Variants in SAFB2 observed in about 807,000 individuals in gnomAD.
The protein encoded by SAFB2 is scaffold attachment factor B2.
A neutral mutation model predicts 100.6 loss-of-function variants in SAFB2; 32 were observed. The ratio of observed to expected loss-of-function variants is 0.32; its 90% CI spans 0.24 to 0.43. The LOEUF (loss-of-function observed/expected upper bound fraction) is 0.43. Ranked by LOEUF, SAFB2 falls within the 20% of genes least tolerant of loss-of-function variation. The pLI is 1.00. For missense variants in SAFB2, 1,185 were observed against 1,163.4 expected (o/e 1.02, Z -0.27); for synonymous variants, 500 against 439.4 (o/e 1.14, Z -1.72).
Position 5,598,864 on chromosome 19 carries a change from T to C in SAFB2, c.1711A>G (p.Thr571Ala), listed in dbSNP as rs781199089. ...CCTTTCGATTTATCCATCACGACCG[T>C]CCGCTCCATTCCTCTGCTTCCTTCA... ...TKSGSRGMER[T>A]VVMDKSKGEP... The change falls in exon 13 of 21, where the codon ACG becomes GCG. Residue 571 changes from threonine (T) to alanine (A), a missense_variant. Thr to Ala is a moderately conservative substitution (Grantham distance 58). Around this residue, in one of 3 missense-constraint regions of SAFB2, gnomAD observed 740 missense variants for 687.1 expected, o/e 1.08. Coordinates refer to ENST00000252542, the MANE Select transcript of SAFB2 (RefSeq NM_014649.3). 7 of 1,614,048 alleles carry C rather than the reference T, an allele frequency of 4.3e-6. No homozygotes were observed. Among genetic ancestry groups the C allele is most frequent in the Non-Finnish European group, 5.9e-6 (7 of 1,180,024 alleles).
At chr19:5,620,724 T>C (rs1199186796) in intron 2 of SAFB2, among the ~76,000 whole-genome samples, 1 of 152,204 alleles carries the variant, frequency 6.6e-6, no homozygotes, top group Non-Finnish European at 1.5e-5. Flanking sequence ...TTTTGGGTGA[T>C]GAAAATCCAG....
At chr19:5,619,637 C>T (rs890804415) in intron 2 of SAFB2, among the ~76,000 whole-genome samples, 5 of 152,068 alleles carry the variant, frequency 3.3e-5, no homozygotes, top group Non-Finnish European at 7.4e-5. Flanking sequence ...GTGAGGAGTT[C>T]GAGACCAGCC....
At chr19:5,602,424 G>T (rs2052678697) in intron 11 of SAFB2, among the ~76,000 whole-genome samples, 1 of 136,480 alleles carries the variant, frequency 7.3e-6, no homozygotes, top group South Asian at 2.4e-4. Flanking sequence ...AGCTTGCAGT[G>T]AGCCAAGATT....
chr19:5,613,002 ATC>A (rs1719903266), intron 5 of SAFB2, among the ~76,000 whole-genome samples: 1 of 152,208 alleles, frequency 6.6e-6, no homozygotes, highest in South Asian at 2.1e-4. Flanking sequence ...CTTTTCCGAC[ATC>A]TGTCTCACTT....
At chr19:5,609,618 CA>C (rs2052861867) in intron 9 of SAFB2, among the ~76,000 whole-genome samples, 1 of 152,106 alleles carries the variant, frequency 6.6e-6, no homozygotes, top group African/African-American at 2.4e-5. Flanking sequence ...TTGCACAAGA[CA>C]AAAGACCACC....
chr19:5,599,335 C>T (rs958115024), intron 12 of SAFB2, among the ~76,000 whole-genome samples: 25 of 152,184 alleles, frequency 1.6e-4, no homozygotes, highest in Non-Finnish European at 4.4e-5. Flanking sequence ...CCATTCATCT[C>T]CAGCAATAAA....
rs770444467 is a variant in SAFB2, at chr19:5,587,927, C to T, written c.2579G>A (p.Arg860His). 22 of 1,612,744 alleles carry T rather than the reference C, an allele frequency of 1.4e-5. No homozygotes were observed. The highest frequency in any genetic ancestry group is 5.3e-5 in the African/African-American group (4 of 75,054). Reference protein sequence around the residue: ...HNQRLEEHQARAWQGAMDAGA... With the variant: ...HNQRLEEHQAHAWQGAMDAGA... ...TGCGTCCATGGCACCCTGCCAGGCG[C>T]GTGCCTGGTGCTCCTCTAGCCGCTG... The change falls in exon 19 of 21, where the codon CGC becomes CAC. Residue 860 changes from arginine to histidine, a missense_variant. Physicochemically the swap from Arg to His is conservative, Grantham distance 29. Coordinates refer to ENST00000252542, the MANE Select transcript of SAFB2 (RefSeq NM_014649.3). This position sits in a 1 kb window ranked among gnomAD's most constrained non-coding sequence, Gnocchi z 4.9.
At chr19:5,614,321 A>C (rs193049223) in intron 4 of SAFB2, among the ~76,000 whole-genome samples, 4 of 152,344 alleles carry the variant, frequency 2.6e-5, no homozygotes, top group African/African-American at 9.6e-5. Flanking sequence ...CATGCCAAAC[A>C]AAAGAAAAAC....
At chr19:5,595,294 A>G in intron 14 of SAFB2, 67 bp downstream of exon 14, 1 of 1,562,516 alleles carries the variant, frequency 6.4e-7, no homozygotes. Flanking sequence ...CTCCAAGTAC[A>G]GCTGGGAGAA....
In SAFB2 at chr19:5,587,058, T is replaced by G. The variant is rs2052265134; in HGVS notation, c.*185A>C. 5.0e-6 allele frequency: 4 copies of G among 792,914 alleles called. No homozygotes were observed. In the East Asian group the frequency reaches 7.9e-5, roughly 16 times the overall value. The allele number at this position is 792,914 out of a possible 1,614,324, so 49.1% of individuals were successfully genotyped here. A position where few individuals can be genotyped will look rare whatever the true frequency, so the allele number is the denominator to read the frequency against. On this transcript the variant is annotated 3_prime_UTR_variant, in exon 21 of 21. Transcript: ENST00000252542. The surrounding 1 kb of genome is among the most constrained non-coding windows in gnomAD (Gnocchi z 4.9). ...TGCCTCGTTAACAGAAACCTTGATT[T>G]AAAAATGGCAGAACAAGAACACATT...
chr19:5,616,230 C>T lies in SAFB2; in HGVS notation c.445G>A (p.Glu149Lys), dbSNP rs1300889511. The change falls in exon 4 of 21, where the codon GAG (glutamate) becomes AAG (lysine). Residue 149 changes from glutamate (E) to lysine (K), a missense_variant. Glu to Lys is a moderately conservative substitution (Grantham distance 56). Transcript: ENST00000252542. ...TCGAGAAGGCCGTCCGTGCCATCCT[C>T]CCCAAAATCTGGAGCACTGCTATTC... ...VANSSAPDFG[E>K]DGTDGLLDSF... The T allele has an allele frequency of 1.9e-6, 3 of 1,614,092 alleles. No homozygotes were observed. The highest frequency in any genetic ancestry group is 1.3e-5 in the African/African-American group (1 of 74,934).
chr19:5,601,763 T>C (rs2052664442), intron 11 of SAFB2, among the ~76,000 whole-genome samples: 1 of 151,312 alleles, frequency 6.6e-6, no homozygotes, highest in South Asian at 2.1e-4. Flanking sequence ...CTTTAGATCC[T>C]GAGACAGAAC....
At chr19:5,608,003 A>G (rs1237241091) in intron 9 of SAFB2, among the ~76,000 whole-genome samples, 5 of 152,232 alleles carry the variant, frequency 3.3e-5, no homozygotes, top group African/African-American at 1.2e-4. Context: ...TTCTGATGAC[A>G]GACAAAACCC....
intron 9 of SAFB2, among the ~76,000 whole-genome samples, chr19:5,605,523 T>C (rs2052757059): frequency 6.6e-6 from 1 of 152,182 alleles, no homozygotes; most frequent in Non-Finnish European, 1.5e-5. Context: ...GTCCTACCCA[T>C]CCACATTGTT....
intron 1 of SAFB2, among the ~76,000 whole-genome samples, chr19:5,621,794 G>A (rs1400521787): frequency 6.6e-6 from 1 of 152,258 alleles, no homozygotes; most frequent in Non-Finnish European, 1.5e-5. Context: ...CCAGCCTGGG[G>A]AGATTCAACA....
At chr19:5,609,039 G>C (rs1234048248) in intron 9 of SAFB2, among the ~76,000 whole-genome samples, 2 of 120,754 alleles carry the variant, frequency 1.7e-5, no homozygotes, top group Admixed American at 2.0e-4. Context: ...GCAACAGAGC[G>C]AGACGCAGTC....
Position 5,594,151 on chromosome 19 carries a change from T to TTGCTCC in SAFB2, c.1941_1946dup (p.Glu648_Gln649dup). ...TCCGCTCATGGAAGGCCTCGAGGCG[T>TTGCTCC]TGCTCCCGCTCCCGCTGCTCGCGCT... is the stretch of plus-strand genomic sequence containing the variant. On this transcript the variant is annotated inframe_insertion, in exon 15 of 21. Coordinates refer to ENST00000252542, the MANE Select transcript of SAFB2 (RefSeq NM_014649.3). 1 of 1,599,168 alleles carries TTGCTCC rather than the reference T, an allele frequency of 6.3e-7. No homozygotes were observed. Among genetic ancestry groups the TTGCTCC allele is most frequent in the Non-Finnish European group, 8.5e-7 (1 of 1,177,998 alleles).
chr19:5,598,767 C>T, intron 13 of SAFB2, 26 bp downstream of exon 13: 1 of 1,600,404 alleles, frequency 6.2e-7, no homozygotes. Context: ...AACAGCTGGC[C>T]CTGAGATGGC....
chr19:5,609,071 AAAAG>A (rs2052844423), intron 9 of SAFB2, among the ~76,000 whole-genome samples: 1 of 150,940 alleles, frequency 6.6e-6, no homozygotes, highest in Admixed American at 6.6e-5. Flanking sequence ...AAAAAAAAAA[AAAAG>A]AACAACAAAC....
Sources: gnomAD v4.1 joint callset for allele counts (sites outside exome capture counted in the v4.1 genomes callset) on GRCh38, gnomAD v4.1.1 for gene constraint, gnomAD v4.1.1 regional missense constraint, Gnocchi (gnomAD v3.1) non-coding constraint, MANE v1.5 for transcripts, NCBI Gene and HGNC (gene_info 2026-07-23, HGNC 2026-07-21) for gene names.